ABCA6: variants seen among roughly 807,000 people sequenced by gnomAD.
ABCA6 encodes the protein ATP binding cassette subfamily A member 6, also known as ATP-binding cassette sub-family A member 6.
ABCA6 carries 164 observed loss-of-function variants against 191.2 expected under a neutral mutation model. That is an observed-to-expected ratio of 0.86 (90% CI 0.76 to 0.98). The LOEUF is 0.98. Ranked by LOEUF, ABCA6 falls within the 50% of genes least tolerant of loss-of-function variation. The pLI, the probability that ABCA6 is intolerant of heterozygous loss-of-function variation, is 0.00. For synonymous variants in ABCA6, 636 were observed against 647.7 expected, an observed-to-expected ratio of 0.98 and a Z score of 0.27; for missense variants, 1,958 against 1,894.1, an observed-to-expected ratio of 1.03 and a Z score of -0.63.
At chr17:69,110,986 C>T in intron 16 of ABCA6, 46 bp from the exon 17 acceptor site, 1 of 1,532,792 alleles carries the variant, frequency 6.5e-7, no homozygotes, top group African/African-American at 1.4e-5. Flanking sequence ...TTCTCCACCA[C>T]TATCACAAAA....
At chr17:69,136,742 CA>C (rs2073954854) in intron 3 of ABCA6, among the ~76,000 whole-genome samples, 3 of 152,098 alleles carry the variant, frequency 2.0e-5, no homozygotes, top group Admixed American at 6.6e-5. Flanking sequence ...AAATTGCACC[CA>C]ATTTGCCCAT....
intron 10 of ABCA6, 67 bp downstream of exon 10, chr17:69,123,172 A>C: frequency 1.9e-6 from 2 of 1,067,206 alleles, no homozygotes; most frequent in Non-Finnish European, 2.4e-6. Flanking sequence ...ATAATAATAA[A>C]ATTAAAAATA....
At chr17:69,126,042 C>T (rs182433683) in intron 8 of ABCA6, among the ~76,000 whole-genome samples, 13 of 151,908 alleles carry the variant, frequency 8.6e-5, no homozygotes, top group Admixed American at 3.3e-4. Flanking sequence ...ACTAGAGGTC[C>T]GGACCTGTGC....
In ABCA6 at chr17:69,083,347, A is replaced by C; in HGVS notation, c.4356-16T>G. 6.4e-7 allele frequency: 1 copy of C among 1,558,112 alleles called. No individual in the cohort carries two copies. The highest frequency in any genetic ancestry group is 1.4e-5 in the African/African-American group (1 of 72,326). ...GATTGCCTGCCTGCAGTGAGCAAAA[A>C]AATTAACAGTATTTAAAATAACTAA... On this transcript the variant is annotated splice_polypyrimidine_tract_variant and intron_variant, in intron 34 of 38. Transcript: ENST00000284425.
chr17:69,136,234 C>A lies in ABCA6; in HGVS notation c.318G>T (p.Gly106=). The change falls in exon 4 of 39, where the codon GGG becomes GGT. Residue 106 remains glycine, a synonymous_variant. Coordinates refer to ENST00000284425, the MANE Select transcript of ABCA6 (RefSeq NM_080284.3). ...APLLKGTSVI[G]APNKTHMDEI... ...CGTCCATGTGTGTTTTATTTGGTGC[C>A]CCAATGACACTTGTTCCTGTGAATT... is the stretch of plus-strand genomic sequence containing the variant. 1 of 1,562,992 alleles carries A rather than the reference C, an allele frequency of 6.4e-7. No homozygotes were observed.
intron 11 of ABCA6, 122 bp downstream of exon 11, chr17:69,117,776 T>G: frequency 1.5e-6 from 1 of 666,568 alleles, no homozygotes; most frequent in Non-Finnish European, 2.6e-6. Flanking sequence ...AGTGATAGCG[T>G]TATTTATATT....
rs750208369 is a variant in ABCA6, at chr17:69,091,155, A to G, written c.3516T>C (p.Thr1172=). 3 of 1,608,764 alleles carry G rather than the reference A, an allele frequency of 1.9e-6. No individual in the cohort carries two copies. The highest frequency in any genetic ancestry group is 3.4e-5 in the Admixed American group (2 of 59,168). The change falls in exon 26 of 39, where the codon ACT becomes ACC. Residue 1172 remains threonine (T), a synonymous_variant. Coordinates refer to ENST00000284425, the MANE Select transcript of ABCA6 (RefSeq NM_080284.3). ...VPSYTLLGFK[T]FLEVRDQEHY... ...TAACATTTCTTACCACTTCCAAAAA[A>G]GTTTTAAATCCAAGCAAGGTATATG...
chr17:69,087,021 T>G (rs987671834), intron 29 of ABCA6, among the ~76,000 whole-genome samples: 3 of 152,324 alleles, frequency 2.0e-5, no homozygotes, highest in Admixed American at 2.0e-4. Context: ...AATCTCTATT[T>G]AGCATTCTTC....
At chr17:69,088,312 A>AAAT in intron 27 of ABCA6, 54 bp from the exon 28 acceptor site, 13 of 1,308,020 alleles carry the variant, frequency 9.9e-6, no homozygotes, top group South Asian at 1.4e-5. Flanking sequence ...AATATTATTT[A>AAAT]AATATTTGAA....
intron 1 of ABCA6, among the ~76,000 whole-genome samples, chr17:69,141,459 A>AT (rs560671417): frequency 6.7e-4 from 102 of 152,024 alleles, no homozygotes; most frequent in Admixed American, 3.2e-3. Context: ...AAGAAACACA[A>AT]TTTTTTTCGT....
In ABCA6 at chr17:69,083,663, G is replaced by GGTT. The variant is rs2072697671; in HGVS notation, c.4356-333_4356-332insAAC. On this transcript the variant is annotated intron_variant, in intron 34 of 38. Coordinates refer to ENST00000284425, the MANE Select transcript of ABCA6 (RefSeq NM_080284.3). ...AAGGAGATTGGTTCTATTGATACCTGCTGAAACTTGTCCATGGGAATAATG... is the reference window on the plus strand; with the variant it reads ...AAGGAGATTGGTTCTATTGATACCTGGTTCTGAAACTTGTCCATGGGAATAATG... Among the ~76,000 whole-genome samples the GGTT allele has an allele frequency of 2.6e-5, 4 of 152,278 alleles. No individual in the cohort carries two copies. The South Asian group carries it at 8.3e-4, about 32-fold the overall frequency.
chr17:69,091,274 G>C lies in ABCA6; in HGVS notation c.3409-12C>G, dbSNP rs2072916067. On this transcript the variant is annotated splice_polypyrimidine_tract_variant and intron_variant, in intron 25 of 38. Coordinates refer to ENST00000284425, the MANE Select transcript of ABCA6 (RefSeq NM_080284.3). ...ATGATGGTGGAGGCCTACAAGGCAAGTTCAAATATATTGTATCAGACATAC... is the reference window on the plus strand; with the variant it reads ...ATGATGGTGGAGGCCTACAAGGCAACTTCAAATATATTGTATCAGACATAC... 8.1e-6 allele frequency: 13 copies of C among 1,607,752 alleles called. No individual in the cohort carries two copies. The highest frequency in any genetic ancestry group is 1.1e-5 in the Non-Finnish European group (13 of 1,178,818).
At chr17:69,135,963 T>C in intron 4 of ABCA6, 129 bp downstream of exon 4, 1 of 879,410 alleles carries the variant, frequency 1.1e-6, no homozygotes, top group African/African-American at 1.7e-5. Flanking sequence ...TTGAAATAAG[T>C]TCAGCAATGA....
At chr17:69,101,543 C>G (rs2073180429) in intron 21 of ABCA6, among the ~76,000 whole-genome samples, 1 of 151,056 alleles carries the variant, frequency 6.6e-6, no homozygotes. Context: ...TTGTAGTGAG[C>G]TGCGATCACA....
intron 36 of ABCA6, among the ~76,000 whole-genome samples, chr17:69,081,389 G>A (rs2072631750): frequency 6.6e-6 from 1 of 152,116 alleles, no homozygotes; most frequent in African/African-American, 2.4e-5. Flanking sequence ...CAAAACCTTT[G>A]CGTGTTGAAA....
At chr17:69,090,999 C>T (rs2072909584) in intron 26 of ABCA6, 144 bp downstream of exon 26, 5 of 770,832 alleles carry the variant, frequency 6.5e-6, no homozygotes, top group South Asian at 2.1e-5. Flanking sequence ...CCCTTTTGAA[C>T]ATTTTCATCA....
intron 27 of ABCA6, 32 bp downstream of exon 27, chr17:69,089,433 G>C (rs770051748): frequency 6.3e-7 from 1 of 1,588,492 alleles, no homozygotes; most frequent in South Asian, 1.1e-5. Context: ...TCATCCAAAA[G>C]AATGTGTGCT....
At chr17:69,120,365 G>A (rs1047973530) in intron 10 of ABCA6, among the ~76,000 whole-genome samples, 5 of 152,028 alleles carry the variant, frequency 3.3e-5, no homozygotes, top group East Asian at 1.9e-4. Context: ...AAAAATAGAC[G>A]TTCTCTTCGA....
chr17:69,121,396 C>G (rs1253871795), intron 10 of ABCA6, among the ~76,000 whole-genome samples: 3 of 152,092 alleles, frequency 2.0e-5, no homozygotes, highest in East Asian at 1.9e-4. Flanking sequence ...AGCCTACTTT[C>G]TTGCTTTGGT....
Sources: gnomAD v4.1 joint callset for allele counts (sites outside exome capture counted in the v4.1 genomes callset) on GRCh38, gnomAD v4.1.1 for gene constraint, MANE v1.5 for transcripts, NCBI Gene and HGNC (gene_info 2026-07-23, HGNC 2026-07-21) for gene names.